The following CYP27A1 variants were observed in gnomAD, a reference collection of about 807,000 sequenced individuals.
CYP27A1 encodes sterol 26-hydroxylase, mitochondrial.
A neutral mutation model predicts 58.2 loss-of-function variants in CYP27A1; 46 were observed. The observed-to-expected ratio is 0.79, with a 90% CI of 0.62 to 1.01. The LOEUF is 1.01. Among genes scored for constraint, CYP27A1 ranks in the 50% least tolerant of loss-of-function variants. The probability of loss-of-function intolerance (pLI) is 0.00; values close to 1 mark genes in which losing one functional copy is unlikely to be tolerated. For missense variants in CYP27A1, 704 were observed against 687.0 expected (o/e 1.02, Z -0.28); for synonymous variants, 274 against 285.1 (o/e 0.96, Z 0.39).
At chr2:218,794,786 T>C (rs1029678718) in intron 1 of CYP27A1, among the ~76,000 whole-genome samples, 1 of 152,016 alleles carries the variant, frequency 6.6e-6, no homozygotes, top group Non-Finnish European at 1.5e-5. Flanking sequence ...AAAAGAAGGC[T>C]CCTTTTCAAA....
chr2:218,804,970 C>T (rs1055451194), intron 1 of CYP27A1, among the ~76,000 whole-genome samples: 1 of 152,204 alleles, frequency 6.6e-6, no homozygotes, highest in Non-Finnish European at 1.5e-5. Flanking sequence ...TTCCTGTGCC[C>T]TAGAGGGCAA....
At chr2:218,799,640 C>T (rs533129224) in intron 1 of CYP27A1, among the ~76,000 whole-genome samples, 25 of 152,256 alleles carry the variant, frequency 1.6e-4, no homozygotes, top group African/African-American at 5.8e-4. Flanking sequence ...CTCACACCAA[C>T]CTCCATAATC....
chr2:218,794,301 G>T (rs767935466), intron 1 of CYP27A1, among the ~76,000 whole-genome samples: 1 of 152,216 alleles, frequency 6.6e-6, no homozygotes, highest in Non-Finnish European at 1.5e-5. Flanking sequence ...TAAGGATGAA[G>T]ATTGATCTTA....
At chr2:218,807,784 T>G (rs1029294831) in intron 1 of CYP27A1, among the ~76,000 whole-genome samples, 1 of 151,866 alleles carries the variant, frequency 6.6e-6, no homozygotes, top group Non-Finnish European at 1.5e-5. Flanking sequence ...AATTTTTTTT[T>G]TTTTTTGTAG....
intron 1 of CYP27A1, among the ~76,000 whole-genome samples, chr2:218,793,014 C>T (rs1943511053): frequency 6.6e-6 from 1 of 152,198 alleles, no homozygotes. Context: ...AATAGAATCA[C>T]AGGTCACCAT....
chr2:218,802,210 G>A (rs936152030), intron 1 of CYP27A1, among the ~76,000 whole-genome samples: 1 of 151,874 alleles, frequency 6.6e-6, no homozygotes, highest in Non-Finnish European at 1.5e-5. Context: ...CAGGGGCCAC[G>A]TGCGTCACGG....
intron 1 of CYP27A1, among the ~76,000 whole-genome samples, chr2:218,783,083 C>A (rs1241312441): frequency 6.6e-6 from 1 of 151,546 alleles, no homozygotes; most frequent in Non-Finnish European, 1.5e-5. Context: ...ATGGTGAAAC[C>A]CCATCTCTAC....
intron 2 of CYP27A1, among the ~76,000 whole-genome samples, chr2:218,811,142 C>A (rs1943711427): frequency 6.6e-6 from 1 of 152,088 alleles, no homozygotes; most frequent in African/African-American, 2.4e-5. Context: ...CAAAACAAAA[C>A]AAAACAAACA....
intron 1 of CYP27A1, among the ~76,000 whole-genome samples, chr2:218,802,587 T>C (rs1943610156): frequency 6.6e-6 from 1 of 152,176 alleles, no homozygotes; most frequent in African/African-American, 2.4e-5. Flanking sequence ...TACGAGTTTG[T>C]TGCTGGAAGA....
chr2:218,787,647 G>A (rs537128460), intron 1 of CYP27A1, among the ~76,000 whole-genome samples: 4 of 152,242 alleles, frequency 2.6e-5, no homozygotes, highest in Admixed American at 2.6e-4. Context: ...TATCATGGGA[G>A]TGGTTACTGA....
chr2:218,803,502 C>T (rs943097269), intron 1 of CYP27A1, among the ~76,000 whole-genome samples: 1 of 152,102 alleles, frequency 6.6e-6, no homozygotes, highest in South Asian at 2.1e-4. Context: ...CTTGGCACTG[C>T]AACCTCTGCC....
chr2:218,801,963 T>G (rs1485784140), intron 1 of CYP27A1, among the ~76,000 whole-genome samples: 6 of 146,944 alleles, frequency 4.1e-5, no homozygotes, highest in Non-Finnish European at 8.9e-5. Flanking sequence ...TGGCTGGGGC[T>G]GCAGCTGCTA....
chr2:218,805,367 C>T (rs571123021), intron 1 of CYP27A1, among the ~76,000 whole-genome samples: 2 of 152,144 alleles, frequency 1.3e-5, no homozygotes, highest in Non-Finnish European at 2.9e-5. Context: ...TAAGTATGTA[C>T]TGAGTGTCTT....
At chr2:218,807,338 AACTC>A (rs770537602) in intron 1 of CYP27A1, among the ~76,000 whole-genome samples, 10 of 152,276 alleles carry the variant, frequency 6.6e-5, no homozygotes, top group East Asian at 1.9e-4. Flanking sequence ...AAAAAAACAA[AACTC>A]ACTCACAGGA....
At chr2:218,787,183 CT>C (rs1187025839) in intron 1 of CYP27A1, among the ~76,000 whole-genome samples, 7 of 152,182 alleles carry the variant, frequency 4.6e-5, no homozygotes, top group Non-Finnish European at 1.0e-4. Flanking sequence ...TTTCCTACCT[CT>C]TTCCCCCAAG....
intron 1 of CYP27A1, among the ~76,000 whole-genome samples, chr2:218,797,455 A>G (rs1023003333): frequency 6.6e-6 from 1 of 152,174 alleles, no homozygotes; most frequent in Non-Finnish European, 1.5e-5. Flanking sequence ...ATCCCATACA[A>G]TTTTGGAACA....
intron 1 of CYP27A1, among the ~76,000 whole-genome samples, chr2:218,796,215 A>G (rs1288910192): frequency 6.6e-6 from 1 of 152,200 alleles, no homozygotes; most frequent in Non-Finnish European, 1.5e-5. Flanking sequence ...GCCTTGGTAA[A>G]ACAACAGTTT....
chr2:218,794,610 G>A (rs932952793), intron 1 of CYP27A1, among the ~76,000 whole-genome samples: 10 of 152,192 alleles, frequency 6.6e-5, no homozygotes, highest in African/African-American at 2.2e-4. Flanking sequence ...TTGCCGGCGT[G>A]TTGGGCTTCT....
In CYP27A1 at chr2:218,809,754, G is replaced by A. The variant is rs587778795; in HGVS notation, c.433G>A (p.Gly145Arg). The A allele has an allele frequency of 2.5e-6, 4 of 1,613,288 alleles. No homozygotes were observed. Among genetic ancestry groups the A allele is most frequent in the Non-Finnish European group, 3.4e-6 (4 of 1,179,392 alleles). ...CCGGGACCAGCACGACCTGACCTAT[G>A]GGCCGTTCACCACGTGAGCTGGGGC... ...EHRDQHDLTY[G>R]PFTTEGHHWY... The change falls in exon 2 of 9, where the codon GGG (glycine) becomes AGG (arginine). Residue 145 changes from glycine to arginine, a missense_variant. Gly to Arg is a moderately radical substitution (Grantham distance 125). Transcript: ENST00000258415.
Sources: gnomAD v4.1 joint callset for allele counts (sites outside exome capture counted in the v4.1 genomes callset) on GRCh38, gnomAD v4.1.1 for gene constraint, MANE v1.5 for transcripts, NCBI Gene and HGNC (gene_info 2026-07-23, HGNC 2026-07-21) for gene names.